Variants in ZNF181 observed in about 807,000 individuals in gnomAD.
ZNF181 encodes zinc finger protein 181.
ZNF181 carries 8 observed loss-of-function variants against 11.9 expected under a neutral mutation model. The ratio of observed to expected loss-of-function variants is 0.67; its 90% CI spans 0.39 to 1.21. The LOEUF is 1.21. Ranked by LOEUF, ZNF181 falls within the 50% of genes most tolerant of loss-of-function variation. ZNF181 has a pLI of 0.01. For missense variants in ZNF181, 542 were observed against 670.9 expected (o/e 0.81, Z 2.12); for synonymous variants, 202 against 221.1 (o/e 0.91, Z 0.77).
chr19:34,739,177 C>CA lies in ZNF181; in HGVS notation c.40dup (p.Thr14AsnfsTer3), dbSNP rs763711535. ...CATTTAATGATGTGGCTATAGACTT[C>CA]ACTCATGAAGAGTGGGGATGGCTCA... On this transcript the variant is annotated frameshift_variant, in exon 2 of 4. Coordinates refer to ENST00000492450, the MANE Select transcript of ZNF181 (RefSeq NM_001029997.4). LOFTEE classifies it high-confidence loss of function. 3.1e-5 allele frequency: 50 copies of CA among 1,613,650 alleles called. No individual in the cohort carries two copies. The highest frequency in any genetic ancestry group is 4.2e-5 in the Non-Finnish European group (50 of 1,179,714).
rs2068929905 is a variant in ZNF181 at position 34,739,162 on chromosome 19, T to C, written c.24T>C (p.Asp8=). Residue 8 remains aspartate (D), a synonymous_variant, in exon 2 of 4, where the codon GAT becomes GAC. Coordinates refer to ENST00000492450, the MANE Select transcript of ZNF181 (RefSeq NM_001029997.4). The stretch of plus-strand genomic sequence containing the variant: ...TGCTATTTCAGGTGACATTTAATGA[T>C]GTGGCTATAGACTTCACTCATGAAG... MPQVTFN[D]VAIDFTHEEW... 3 of 1,613,614 alleles carry C rather than the reference T, an allele frequency of 1.9e-6. No homozygotes were observed. Among genetic ancestry groups the C allele is most frequent in the South Asian group, 2.2e-5 (2 of 91,082 alleles).
At chr19:34,738,135 G>T (rs1192068390) in intron 1 of ZNF181, among the ~76,000 whole-genome samples, 1 of 152,124 alleles carries the variant, frequency 6.6e-6, no homozygotes, top group Non-Finnish European at 1.5e-5. Flanking sequence ...TTTTGTTTAT[G>T]AATCAGTTAT....
Position 34,741,349 on chromosome 19 carries a change from G to A in ZNF181, c.968G>A (p.Cys323Tyr), listed in dbSNP as rs148140313. Reference sequence around the variant, plus strand: ...CACACTGGAGAGAAACCATATGAATGTATGAACTGTGGAAAGTCTTTTAGT... The same window carrying A: ...CACACTGGAGAGAAACCATATGAATATATGAACTGTGGAAAGTCTTTTAGT... Reference protein sequence around the residue: ...STHTGEKPYECMNCGKSFSRV... With the variant: ...STHTGEKPYEYMNCGKSFSRV... The change falls in exon 4 of 4, where the codon TGT becomes TAT. Residue 323 changes from cysteine (C) to tyrosine (Y), a missense_variant. By Grantham distance (194) the Cys-to-Tyr change is radical. Coordinates refer to ENST00000492450, the MANE Select transcript of ZNF181 (RefSeq NM_001029997.4). The A allele has an allele frequency of 1.4e-4, 230 of 1,613,826 alleles. 2 individuals are homozygous for A. In the African/African-American group the frequency reaches 2.6e-3, roughly 18 times the overall value.
In ZNF181 at chr19:34,734,927, T is replaced by C; in HGVS notation, c.-111T>C. On this transcript the variant is annotated 5_prime_UTR_variant, in exon 1 of 4. Transcript: ENST00000492450. ...TGTCACAGGTGCCGCAAGATAAGCC[T>C]GATTTTTCATGACTGCTTTTTCCTG... 2.5e-6 allele frequency: 3 copies of C among 1,189,852 alleles called. No homozygotes were observed. The highest frequency in any genetic ancestry group is 3.6e-6 in the Non-Finnish European group (3 of 839,112). The allele number at this position is 1,189,852 out of a possible 1,614,324, so 73.7% of individuals were successfully genotyped here. A position where few individuals can be genotyped will look rare whatever the true frequency, so the allele number is the denominator to read the frequency against.
Position 34,742,316 on chromosome 19 carries a change from A to G in ZNF181, c.*219A>G. On this transcript the variant is annotated 3_prime_UTR_variant, in exon 4 of 4. Transcript: ENST00000492450. Reference sequence around the variant, plus strand: ...TATTAATCCCTTAATTGACATAAGTATACTCACACTAGGATAAAACCCTGT... The same window carrying G: ...TATTAATCCCTTAATTGACATAAGTGTACTCACACTAGGATAAAACCCTGT... 8.0e-6 allele frequency: 3 copies of G among 374,698 alleles called. No homozygotes were observed. The allele number at this position is 374,698 out of a possible 1,614,324, so 23.2% of individuals were successfully genotyped here.
chr19:34,744,841 G>A lies in ZNF181; in HGVS notation c.*2744G>A, dbSNP rs1161761841. The A allele has an allele frequency of 1.3e-5, 2 of 151,968 alleles. No homozygotes were observed. Among genetic ancestry groups the A allele is most frequent in the African/African-American group, 4.8e-5 (2 of 41,356 alleles). 9.4% of individuals were successfully genotyped at this position (151,968 alleles called of 1,614,324 possible). On this transcript the variant is annotated 3_prime_UTR_variant, in exon 4 of 4. Coordinates refer to ENST00000492450, the MANE Select transcript of ZNF181 (RefSeq NM_001029997.4). Reference sequence around the variant, plus strand: ...CACAGAGATGAAGTAGTCCTATAATGCCCAGATTTTGTTTCCACTACACAT... The same window carrying A: ...CACAGAGATGAAGTAGTCCTATAATACCCAGATTTTGTTTCCACTACACAT...
Position 34,742,083 on chromosome 19 carries a change from A to G in ZNF181, c.1702A>G (p.Arg568Gly). ...NHYTCEKSYRRETV is the reference protein window; with the variant it reads ...NHYTCEKSYRGETV ...CTATACATGTGAGAAATCTTACAGA[A>G]GAGAAACTGTATGAAGCAGTGGTTA... The change falls in exon 4 of 4, where the codon AGA becomes GGA. Residue 568 changes from arginine (R) to glycine (G), a missense_variant. By Grantham distance (125) the Arg-to-Gly change is moderately radical. Coordinates refer to ENST00000492450, the MANE Select transcript of ZNF181 (RefSeq NM_001029997.4). 6.4e-7 allele frequency: 1 copy of G among 1,570,768 alleles called. No homozygotes were observed. The highest frequency in any genetic ancestry group is 8.6e-7 in the Non-Finnish European group (1 of 1,160,308).
Position 34,741,959 on chromosome 19 carries a change from T to C in ZNF181, c.1578T>C (p.Phe526=), listed in dbSNP as rs2068986213. 2.5e-6 allele frequency: 4 copies of C among 1,613,848 alleles called. No individual in the cohort carries two copies. Among genetic ancestry groups the C allele is most frequent in the Non-Finnish European group, 3.4e-6 (4 of 1,179,890 alleles). ...PYKCNECGKA[F]SKGSNLTAHQ... ...AATGTAATGAGTGTGGGAAAGCTTT[T>C]AGCAAAGGCTCAAATCTTACTGCCC... Residue 526 remains phenylalanine, a synonymous_variant, in exon 4 of 4, where the codon TTT becomes TTC. Coordinates refer to ENST00000492450, the MANE Select transcript of ZNF181 (RefSeq NM_001029997.4).
chr19:34,734,281 G>A lies in ZNF181; in HGVS notation c.-757G>A, dbSNP rs1199426569. On this transcript the variant is annotated 5_prime_UTR_variant, in exon 1 of 4. Transcript: ENST00000492450. ...GCCTGACGGCGACTCCCAGGCTCCG[G>A]GACGATTCTGGGCAGTGTCGTCCCC... 6.6e-6 allele frequency: 1 copy of A among 152,262 alleles called. No individual in the cohort carries two copies. The highest frequency in any genetic ancestry group is 1.5e-5 in the Non-Finnish European group (1 of 68,090). 9.4% of individuals were successfully genotyped at this position (152,262 alleles called of 1,614,324 possible).
Position 34,734,988 on chromosome 19 carries a change from G to C in ZNF181, c.-50G>C. 2 of 1,566,838 alleles carry C rather than the reference G, an allele frequency of 1.3e-6. No individual in the cohort carries two copies. The highest frequency in any genetic ancestry group is 1.7e-6 in the Non-Finnish European group (2 of 1,154,962). On this transcript the variant is annotated 5_prime_UTR_variant, in exon 1 of 4. Coordinates refer to ENST00000492450, the MANE Select transcript of ZNF181 (RefSeq NM_001029997.4). ...CCCTCAGGACACTGCCCATCTCTAAGATAAGAGCCTGGAAAGAGGACTCTG... is the reference window on the plus strand; with the variant it reads ...CCCTCAGGACACTGCCCATCTCTAACATAAGAGCCTGGAAAGAGGACTCTG...
chr19:34,735,109 T>C, intron 1 of ZNF181, 63 bp downstream of exon 1: 1 of 1,539,410 alleles, frequency 6.5e-7, no homozygotes, highest in Non-Finnish European at 8.8e-7. Context: ...TTTGCTTTGC[T>C]TCTCCTGCCT....
chr19:34,739,715 G>C, intron 3 of ZNF181, 94 bp downstream of exon 3: 3 of 1,268,304 alleles, frequency 2.4e-6, no homozygotes, highest in East Asian at 2.3e-5. Context: ...GGCATTTTAG[G>C]TATACTGTTT....
In ZNF181 at chr19:34,741,209, T is replaced by C. The variant is rs367876050; in HGVS notation, c.828T>C (p.His276=). ...GTGAATGTGGGAAGACTTTTAGCCA[T>C]GGCTCATCCCTTACACGACATCTGA... ...ECRECGKTFS[H]GSSLTRHLIS... The change falls in exon 4 of 4, where the codon CAT becomes CAC. Residue 276 remains histidine (H), a synonymous_variant. Coordinates refer to ENST00000492450, the MANE Select transcript of ZNF181 (RefSeq NM_001029997.4). 5.9e-5 allele frequency: 96 copies of C among 1,614,062 alleles called. 1 individual carries two copies. In the African/African-American group the frequency reaches 1.0e-3, roughly 17 times the overall value.
In ZNF181 at chr19:34,744,955, T is replaced by G. The variant is rs1349499259; in HGVS notation, c.*2858T>G. On this transcript the variant is annotated 3_prime_UTR_variant, in exon 4 of 4. Transcript: ENST00000492450. ...TTAAAAAGCATGGGCATACACATGATAATGCTTTACGTTTCTGGATTTAAA... is the reference window on the plus strand; with the variant it reads ...TTAAAAAGCATGGGCATACACATGAGAATGCTTTACGTTTCTGGATTTAAA... The G allele has an allele frequency of 6.6e-6, 1 of 152,220 alleles. No homozygotes were observed. The highest frequency in any genetic ancestry group is 1.5e-5 in the Non-Finnish European group (1 of 68,030). The allele number at this position is 152,220 out of a possible 1,614,324, so 9.4% of individuals were successfully genotyped here.
In ZNF181 at chr19:34,742,339, T is replaced by A. The variant is rs1288685947; in HGVS notation, c.*242T>A. 3 of 288,426 alleles carry A rather than the reference T, an allele frequency of 1.0e-5. No individual in the cohort carries two copies. The highest frequency in any genetic ancestry group is 1.9e-5 in the Non-Finnish European group (3 of 154,774). 17.9% of individuals were successfully genotyped at this position (288,426 alleles called of 1,614,324 possible). A position where few individuals can be genotyped will look rare whatever the true frequency, so the allele number is the denominator to read the frequency against. Reference sequence around the variant, plus strand: ...GTATACTCACACTAGGATAAAACCCTGTACATGTAGCAAATGTGGGAAAGA... The same window carrying A: ...GTATACTCACACTAGGATAAAACCCAGTACATGTAGCAAATGTGGGAAAGA... On this transcript the variant is annotated 3_prime_UTR_variant, in exon 4 of 4. Transcript: ENST00000492450.
At position 34,741,513 on chromosome 19, in the gene ZNF181, G is replaced by C. The variant is rs988429874; in HGVS notation, c.1132G>C (p.Glu378Gln). ...AATCCATACTGGAGAGAAGCCTTAT[G>C]AATGTAGAGAATGTGGGAAAGCTTT... ...QKIHTGEKPYECRECGKAFCC... is the reference protein window; with the variant it reads ...QKIHTGEKPYQCRECGKAFCC... The change falls in exon 4 of 4, where the codon GAA becomes CAA. Residue 378 changes from glutamate to glutamine, a missense_variant. Glu to Gln is a conservative substitution (Grantham distance 29). Transcript: ENST00000492450. 1.9e-6 allele frequency: 3 copies of C among 1,613,690 alleles called. No homozygotes were observed. The Admixed American group carries it at 5.0e-5, about 27-fold the overall frequency.
intron 1 of ZNF181, among the ~76,000 whole-genome samples, chr19:34,737,131 A>G (rs1275816965): frequency 6.6e-6 from 1 of 152,238 alleles, no homozygotes; most frequent in Non-Finnish European, 1.5e-5. Context: ...CTGTCCTTTT[A>G]ATCTCATTAG....
Position 34,741,072 on chromosome 19 carries a change from T to C in ZNF181, c.691T>C (p.Cys231Arg). The change falls in exon 4 of 4, where the codon TGT becomes CGT. Residue 231 changes from cysteine (C) to arginine (R), a missense_variant. By Grantham distance (180) the Cys-to-Arg change is radical. Transcript: ENST00000492450. ...QGKSLTLPQT[C>R]NREKIYTCSE... is the part of the protein sequence containing the mutation. ...CAAATCTCTTACCCTTCCCCAGACT[T>C]GTAATAGAGAGAAAATCTATACATG... 6.2e-7 allele frequency: 1 copy of C among 1,614,170 alleles called. No individual in the cohort carries two copies. The highest frequency in any genetic ancestry group is 8.5e-7 in the Non-Finnish European group (1 of 1,179,970).
rs1161943138 is a variant in ZNF181 at position 34,741,743 on chromosome 19, TCA to T, written c.1365_1366del (p.Ile456Ter). ...LESLNMHLRN[H>X]IRLKPYECSI... ...AATCACTGAATATGCATTTGAGAAA[TCA>T]CATTAGATTGAAACCCTACGAATGC... On this transcript the variant is annotated frameshift_variant, in exon 4 of 4. Transcript: ENST00000492450. LOFTEE classifies it low-confidence loss of function (END_TRUNC). The T allele has an allele frequency of 6.2e-7, 1 of 1,613,874 alleles. No homozygotes were observed. The highest frequency in any genetic ancestry group is 1.3e-5 in the African/African-American group (1 of 74,898).
Sources: gnomAD v4.1 joint callset for allele counts (sites outside exome capture counted in the v4.1 genomes callset) on GRCh38, gnomAD v4.1.1 for gene constraint, MANE v1.5 for transcripts, NCBI Gene and HGNC (gene_info 2026-07-23, HGNC 2026-07-21) for gene names.